Variants in APAF1 observed in about 807,000 individuals in gnomAD.
APAF1 encodes the protein apoptotic protease-activating factor 1.
A neutral mutation model predicts 152.4 loss-of-function variants in APAF1; 91 were observed. That is an observed-to-expected ratio of 0.60 (90% CI 0.50 to 0.71). The LOEUF is 0.71. Among genes scored for constraint, APAF1 ranks in the 30% least tolerant of loss-of-function variants. APAF1 has a pLI of 0.00. For missense variants in APAF1, 1,283 were observed against 1,472.0 expected, an observed-to-expected ratio of 0.87 and a Z score of 2.10; for synonymous variants, 484 against 494.1, an observed-to-expected ratio of 0.98 and a Z score of 0.27.
chr12:98,688,470 CTTTTTTTTT>C lies in APAF1; in HGVS notation c.2304+1607_2304+1615del, dbSNP rs66619012. Among the ~76,000 whole-genome samples the C allele has an allele frequency of 3.1e-5, 3 of 97,320 alleles. No homozygotes were observed. The South Asian group carries it at 9.8e-4, about 32-fold the overall frequency. The allele number at this position is 97,320 out of a possible 152,430, so 63.8% of individuals were successfully genotyped here. ...ATAACCTTCTACCACTGTTTTCTTT[CTTTTTTTTT>C]TTTTTTTTTGGAGACAGAGTCTCAC... On this transcript the variant is annotated intron_variant, in intron 16 of 26. Coordinates refer to ENST00000551964, the MANE Select transcript of APAF1 (RefSeq NM_181861.2).
At chr12:98,646,561 CTCTTTT>C (rs1303042502) in intron 1 of APAF1, among the ~76,000 whole-genome samples, 1 of 152,208 alleles carries the variant, frequency 6.6e-6, no homozygotes, top group Non-Finnish European at 1.5e-5. Context: ...CACTCTCTCT[CTCTTTT>C]TCTTCTTTGA....
In APAF1 at chr12:98,648,265, G is replaced by A. The variant is rs1190874471; in HGVS notation, c.-41-54G>A. ...GTTTCTTGTTTATTAGTGAGATTATGTATCTTTTCATATTTTTATTGGCCT... is the reference window on the plus strand; with the variant it reads ...GTTTCTTGTTTATTAGTGAGATTATATATCTTTTCATATTTTTATTGGCCT... On this transcript the variant is annotated intron_variant, in intron 1 of 26. Transcript: ENST00000551964. 2.1e-6 allele frequency: 3 copies of A among 1,450,088 alleles called. No individual in the cohort carries two copies. In the East Asian group the frequency reaches 6.8e-5, roughly 33 times the overall value. 89.8% of individuals were successfully genotyped at this position (1,450,088 alleles called of 1,614,324 possible).
rs574344514 is a variant in APAF1, at chr12:98,677,774, C to T, written c.1920+223C>T. On this transcript the variant is annotated intron_variant, in intron 13 of 26. Coordinates refer to ENST00000551964, the MANE Select transcript of APAF1 (RefSeq NM_181861.2). ...CAGGTGGTAAGGAAGTGCCCTTTACCCTGCCAGTCAGTTCCCAGCCATCCA... is the reference window on the plus strand; with the variant it reads ...CAGGTGGTAAGGAAGTGCCCTTTACTCTGCCAGTCAGTTCCCAGCCATCCA... 3.9e-5 allele frequency among the ~76,000 whole-genome samples: 6 copies of T among 152,214 alleles called. No homozygotes were observed. In the East Asian group the frequency reaches 1.2e-3, roughly 29 times the overall value.
chr12:98,661,710 C>T (rs904585670), intron 5 of APAF1, among the ~76,000 whole-genome samples: 1 of 151,112 alleles, frequency 6.6e-6, no homozygotes, highest in Non-Finnish European at 1.5e-5. Context: ...CTCAGGTGAT[C>T]CGCCTGCCCT....
chr12:98,702,437 C>T (rs946096867), intron 17 of APAF1, among the ~76,000 whole-genome samples: 8 of 152,030 alleles, frequency 5.3e-5, no homozygotes, highest in African/African-American at 1.9e-4. Context: ...GATCTTAAAT[C>T]AGTATATTGT....
In APAF1 at chr12:98,727,333, A is replaced by G; in HGVS notation, c.3600+17A>G. The stretch of plus-strand genomic sequence containing the variant: ...TATATTAAGGTAAGAGTTCCCCAAG[A>G]ACTGTGAAAGAAAATAATAGCCTAT... On this transcript the variant is annotated intron_variant, in intron 26 of 26. Coordinates refer to ENST00000551964, the MANE Select transcript of APAF1 (RefSeq NM_181861.2). 1 of 1,613,762 alleles carries G rather than the reference A, an allele frequency of 6.2e-7. No homozygotes were observed. Among genetic ancestry groups the G allele is most frequent in the Non-Finnish European group, 8.5e-7 (1 of 1,179,776 alleles).
At chr12:98,648,526 C>A (rs759119224) in intron 2 of APAF1, 29 bp downstream of exon 2, 1 of 1,610,008 alleles carries the variant, frequency 6.2e-7, no homozygotes, top group Admixed American at 1.7e-5. Context: ...GTCCACACTT[C>A]CTTAAAAATT....
intron 4 of APAF1, among the ~76,000 whole-genome samples, chr12:98,650,031 C>T (rs2097646949): frequency 6.6e-6 from 1 of 152,024 alleles, no homozygotes; most frequent in South Asian, 2.1e-4. Context: ...ATACCACTGA[C>T]CTTAGCGATC....
chr12:98,725,056 A>G (rs1270408976), intron 24 of APAF1, among the ~76,000 whole-genome samples: 2 of 152,224 alleles, frequency 1.3e-5, no homozygotes, highest in East Asian at 1.9e-4. Flanking sequence ...GTCTGAAGCT[A>G]TAGAAGCTTA....
At chr12:98,655,527 G>GGGCGGCCGTAA (rs1439626773) in intron 4 of APAF1, among the ~76,000 whole-genome samples, 7 of 152,214 alleles carry the variant, frequency 4.6e-5, no homozygotes, top group Non-Finnish European at 1.0e-4. Context: ...TTCCCAGTAG[G>GGGCGGCCGTAA]GGCGGCCGTA....
At chr12:98,680,709 C>T (rs888851206) in intron 14 of APAF1, among the ~76,000 whole-genome samples, 2 of 152,110 alleles carry the variant, frequency 1.3e-5, no homozygotes, top group African/African-American at 4.8e-5. Flanking sequence ...AGCCACTGTG[C>T]GTGGCCTGAA....
At position 98,699,414 on chromosome 12, in the gene APAF1, G is replaced by A. The variant is rs1351972494; in HGVS notation, c.2311G>A (p.Asp771Asn). The change falls in exon 17 of 27, where the codon GAT becomes AAT. Residue 771 changes from aspartate (D) to asparagine (N), a missense_variant. Coordinates refer to ENST00000551964, the MANE Select transcript of APAF1 (RefSeq NM_181861.2). ...TTATTACTTTAATTCAAAGCTTTGG[G>A]ATGCGACATCAGCAAATGAGAGGAA... ...CSADGTLKLW[D>N]ATSANERKSI... is the part of the protein sequence containing the mutation. The A allele has an allele frequency of 3.7e-6, 6 of 1,613,868 alleles. No individual in the cohort carries two copies. The highest frequency in any genetic ancestry group is 2.2e-5 in the East Asian group (1 of 44,866).
chr12:98,666,883 G>C (rs773198834), intron 9 of APAF1, among the ~76,000 whole-genome samples: 1 of 151,938 alleles, frequency 6.6e-6, no homozygotes, highest in African/African-American at 2.4e-5. Context: ...ATAGTGTTTT[G>C]CCATGTTGCC....
At chr12:98,721,914 G>A (rs2097743486) in intron 22 of APAF1, among the ~76,000 whole-genome samples, 1 of 152,214 alleles carries the variant, frequency 6.6e-6, no homozygotes, top group Admixed American at 6.5e-5. Context: ...GACTCAGAAT[G>A]TTACTCATGT....
chr12:98,707,302 C>G (rs775514151), intron 19 of APAF1, among the ~76,000 whole-genome samples: 1 of 152,158 alleles, frequency 6.6e-6, no homozygotes, highest in Admixed American at 6.5e-5. Flanking sequence ...CTCCGTAGTT[C>G]CCTGCTTCTG....
chr12:98,721,368 GCAAAGCTAGAATAGGC>G (rs764024243), intron 22 of APAF1, among the ~76,000 whole-genome samples: 2 of 152,228 alleles, frequency 1.3e-5, no homozygotes, highest in Non-Finnish European at 2.9e-5. Flanking sequence ...ATTGAATCAG[GCAAAGCTAGAATAGGC>G]AGTGTCTGTA....
At chr12:98,682,719 G>T (rs1194546296) in intron 14 of APAF1, among the ~76,000 whole-genome samples, 1 of 152,116 alleles carries the variant, frequency 6.6e-6, no homozygotes, top group East Asian at 1.9e-4. Flanking sequence ...TACAGAAGAG[G>T]GAACTGAGAT....
In APAF1 at chr12:98,653,026, G is replaced by GT. The variant is rs901933813; in HGVS notation, c.526+3353dup. ...AACTCTGATGTAGTCAAACTAATCA[G>GT]TTTTTTTTTTTGTCTTCTAACTTGT... On this transcript the variant is annotated intron_variant, in intron 4 of 26. Transcript: ENST00000551964. Among the ~76,000 whole-genome samples, 725 of 146,510 alleles carry GT rather than the reference G, an allele frequency of 4.9e-3. 6 individuals are homozygous for GT. Among genetic ancestry groups the GT allele is most frequent in the African/African-American group, 0.015 (592 of 40,212 alleles).
At position 98,715,235 on chromosome 12, in the gene APAF1, C is replaced by CATATAT. The variant is rs61430351; in HGVS notation, c.2959-151_2959-146dup. On this transcript the variant is annotated intron_variant, in intron 21 of 26. Coordinates refer to ENST00000551964, the MANE Select transcript of APAF1 (RefSeq NM_181861.2). The stretch of plus-strand genomic sequence containing the variant: ...TTTGCATGTAGGCATACATGGTGTG[C>CATATAT]ATATATATATATATATATATATATA... Among the ~76,000 whole-genome samples, 340 of 54,716 alleles carry CATATAT rather than the reference C, an allele frequency of 6.2e-3. 9 individuals are homozygous for CATATAT. The highest frequency in any genetic ancestry group is 7.7e-3 in the Non-Finnish European group (218 of 28,404). 35.9% of individuals were successfully genotyped at this position (54,716 alleles called of 152,430 possible).
Sources: gnomAD v4.1 joint callset for allele counts (sites outside exome capture counted in the v4.1 genomes callset) on GRCh38, gnomAD v4.1.1 for gene constraint, MANE v1.5 for transcripts, NCBI Gene and HGNC (gene_info 2026-07-23, HGNC 2026-07-21) for gene names.